ROBO2: variants seen among roughly 807,000 people sequenced by gnomAD.
ROBO2 encodes roundabout guidance receptor 2, also known as roundabout homolog 2.
Under a neutral mutation model 160.8 loss-of-function variants are expected in ROBO2, and 53 were observed. The ratio of observed to expected loss-of-function variants is 0.33; its 90% confidence interval spans 0.26 to 0.41. The LOEUF (loss-of-function observed/expected upper bound fraction) is 0.41. ROBO2 is among the 10% of genes least tolerant of loss of function. ROBO2 has a pLI of 1.00. For missense variants in ROBO2, 1,577 were observed against 1,722.4 expected (o/e 0.92, Z 1.49); for synonymous variants, 664 against 611.7 (o/e 1.09, Z -1.26).
chr3:77,238,497 TTTGA>T (rs1433242965), intron 2 of ROBO2, among the ~76,000 whole-genome samples: 57 of 152,290 alleles, frequency 3.7e-4, no homozygotes, highest in African/African-American at 1.3e-3. Flanking sequence ...ATTTTGCCAA[TTTGA>T]TTGGGAATTC....
intron 2 of ROBO2, among the ~76,000 whole-genome samples, chr3:76,876,678 A>C (rs76723697): frequency 6.8e-6 from 1 of 146,262 alleles, no homozygotes; most frequent in African/African-American, 2.5e-5. Flanking sequence ...CTGTCTCAAG[A>C]AAAAAAAAAA....
chr3:76,601,409 A>G (rs1226651924), intron 2 of ROBO2, among the ~76,000 whole-genome samples: 1 of 152,178 alleles, frequency 6.6e-6, no homozygotes, highest in African/African-American at 2.4e-5. Context: ...CCCTTGCAGC[A>G]AACTTTAGCC....
chr3:76,947,144 C>T lies in ROBO2; in HGVS notation c.110-150870C>T, dbSNP rs532432433. Among the ~76,000 whole-genome samples the T allele has an allele frequency of 5.9e-5, 9 of 152,094 alleles. No homozygotes were observed. In the East Asian group the frequency reaches 9.7e-4, roughly 16 times the overall value. ...TACATGTACATTCATGTACTTAACT[C>T]GTTTTCCACAAATTAGGGGAAAATG... On this transcript the variant is annotated intron_variant, in intron 2 of 26. Transcript: ENST00000487694.
At chr3:77,172,824 A>G (rs2079769590) in intron 2 of ROBO2, among the ~76,000 whole-genome samples, 1 of 152,208 alleles carries the variant, frequency 6.6e-6, no homozygotes, top group African/African-American at 2.4e-5. Flanking sequence ...TTAGCTTTTC[A>G]GAAGATTGTC....
At chr3:76,038,389 A>G (rs544681401) in intron 2 of ROBO2, among the ~76,000 whole-genome samples, 4 of 152,096 alleles carry the variant, frequency 2.6e-5, no homozygotes, top group Non-Finnish European at 4.4e-5. Flanking sequence ...TGAACAATCT[A>G]GAAGCAAGAA....
At chr3:76,521,711 A>G (rs1454649298) in intron 2 of ROBO2, among the ~76,000 whole-genome samples, 1 of 152,160 alleles carries the variant, frequency 6.6e-6, no homozygotes, top group Non-Finnish European at 1.5e-5. Context: ...ACTCTAGCTT[A>G]ATATATGTAT....
At chr3:77,035,506 T>C (rs1035434569), upstream of ROBO2, among the ~76,000 whole-genome samples, 1 of 151,968 alleles carries the variant, frequency 6.6e-6, no homozygotes, top group Non-Finnish European at 1.5e-5. Context: ...GTGATTTTAT[T>C]CTGCAGAGAA....
intron 2 of ROBO2, among the ~76,000 whole-genome samples, chr3:76,575,299 T>G (rs1376856855): frequency 6.6e-6 from 1 of 152,026 alleles, no homozygotes; most frequent in African/African-American, 2.4e-5. Context: ...GGAGGTAAAC[T>G]CTAATACTTT....
chr3:77,245,578 T>C (rs1226991043), intron 2 of ROBO2, among the ~76,000 whole-genome samples: 1 of 152,210 alleles, frequency 6.6e-6, no homozygotes, highest in Non-Finnish European at 1.5e-5. Context: ...GAGCACATAA[T>C]TAACGTACTG....
At chr3:76,225,553 A>G (rs967243806) in intron 2 of ROBO2, among the ~76,000 whole-genome samples, 16 of 152,068 alleles carry the variant, frequency 1.1e-4, no homozygotes, top group African/African-American at 3.6e-4. Flanking sequence ...AGTCTTTACA[A>G]AAATACAAAA....
chr3:76,632,203 G>C (rs2090072477), intron 2 of ROBO2, among the ~76,000 whole-genome samples: 1 of 152,204 alleles, frequency 6.6e-6, no homozygotes, highest in African/African-American at 2.4e-5. Context: ...CATTGGAGAA[G>C]TCACTTAACT....
rs2093795634 is a variant in ROBO2, at chr3:77,577,348, G to A, written c.2204-142G>A. On this transcript the variant is annotated intron_variant, in intron 14 of 25. Transcript: ENST00000461745. ...TTAAAGAACATTTCTCAAAAAAACT[G>A]TCACTGTTGAACACCGTGTGCATTC... 8 of 899,182 alleles carry A rather than the reference G, an allele frequency of 8.9e-6. No individual in the cohort carries two copies. In the South Asian group the frequency reaches 1.1e-4, roughly 12 times the overall value. 55.7% of individuals were successfully genotyped at this position (899,182 alleles called of 1,614,324 possible). A position where few individuals can be genotyped will look rare whatever the true frequency, so the allele number is the denominator to read the frequency against.
At chr3:77,034,378 T>TAAAAAAAAAAAAAAAAAAAAA (rs200520468) in intron 2 of ROBO2, among the ~76,000 whole-genome samples, 1 of 131,142 alleles carries the variant, frequency 7.6e-6, no homozygotes, top group African/African-American at 2.7e-5. Context: ...TATTCTTTGT[T>TAAAAAAAAAAAAAAAAAAAAA]AAAAAAAAAA....
intron 2 of ROBO2, among the ~76,000 whole-genome samples, chr3:77,461,130 G>A (rs973974950): frequency 1.3e-5 from 2 of 151,944 alleles, no homozygotes; most frequent in African/African-American, 4.8e-5. Context: ...AAAATAATAT[G>A]TTTTTAGAAC....
intron 2 of ROBO2, among the ~76,000 whole-genome samples, chr3:76,310,254 A>G (rs573537725): frequency 6.6e-6 from 1 of 152,384 alleles, no homozygotes; most frequent in Admixed American, 6.5e-5. Context: ...AAAGACAGAA[A>G]GGCTTGAGGA....
intron 8 of ROBO2, among the ~76,000 whole-genome samples, chr3:77,556,929 G>A (rs1460754348): frequency 1.3e-5 from 2 of 151,766 alleles, no homozygotes; most frequent in East Asian, 3.9e-4. Context: ...TCTTTAGAAA[G>A]ACTTCCCTGG....
intron 2 of ROBO2, among the ~76,000 whole-genome samples, chr3:76,413,619 C>T (rs886383507): frequency 5.3e-5 from 8 of 152,170 alleles, no homozygotes; most frequent in African/African-American, 1.7e-4. Flanking sequence ...ACAAGAGTCA[C>T]CTTCACTCCA....
chr3:77,335,007 A>T (rs971838400), intron 2 of ROBO2, among the ~76,000 whole-genome samples: 9 of 152,192 alleles, frequency 5.9e-5, no homozygotes, highest in African/African-American at 2.2e-4. Context: ...AGAAGTTAAA[A>T]CTTGAAGTGG....
chr3:75,912,733 AATC>A lies in ROBO2; in HGVS notation c.-14+5776_-14+5778del, dbSNP rs1216197965. Among the ~76,000 whole-genome samples, 5 of 152,330 alleles carry A rather than the reference AATC, an allele frequency of 3.3e-5. No homozygotes were observed. In the East Asian group the frequency reaches 5.8e-4, roughly 18 times the overall value. On this transcript the variant is annotated intron_variant, in intron 1 of 26. Coordinates refer to the ROBO2 transcript ENST00000487694. ...ATCTCTAAGTTATACATACTGGTAT[AATC>A]ATATTGATTGGATGATAGTGATAAT...
Sources: allele counts gnomAD v4.1 joint callset (sites outside exome capture counted in the v4.1 genomes callset), GRCh38; gene constraint gnomAD v4.1.1; transcripts MANE v1.5; gene names NCBI Gene and HGNC (gene_info 2026-07-23, HGNC 2026-07-21).